DERL1: variants seen among roughly 807,000 people sequenced by gnomAD.
The protein encoded by DERL1 is derlin-1.
In DERL1, 24 loss-of-function variants were observed where a neutral mutation model predicts 41.6. The ratio of observed to expected loss-of-function variants is 0.58; its 90% CI spans 0.42 to 0.81. DERL1 has a LOEUF of 0.81. DERL1 is among the 30% of genes least tolerant of loss of function. DERL1 has a pLI of 0.00. For synonymous variants in DERL1, 124 were observed against 112.5 expected (o/e 1.10, Z -0.65); for missense variants, 260 against 314.3 (o/e 0.83, Z 1.31).
intron 1 of DERL1, among the ~76,000 whole-genome samples, chr8:123,031,617 G>GTC (rs1812818666): frequency 6.6e-6 from 1 of 152,044 alleles, no homozygotes; most frequent in African/African-American, 2.4e-5. Flanking sequence ...CCAACCTCCA[G>GTC]TCTCCCAGTT....
At chr8:123,028,838 G>A (rs2130480131) in intron 2 of DERL1, among the ~76,000 whole-genome samples, 1 of 152,174 alleles carries the variant, frequency 6.6e-6, no homozygotes, top group Middle Eastern at 3.4e-3. Flanking sequence ...AGGTCAAGGT[G>A]GGCAAATCTC....
chr8:123,023,750 A>G lies in DERL1; in HGVS notation c.331-11T>C. 1 of 1,611,164 alleles carries G rather than the reference A, an allele frequency of 6.2e-7. No homozygotes were observed. Among genetic ancestry groups the G allele is most frequent in the Non-Finnish European group, 8.5e-7 (1 of 1,178,698 alleles). On this transcript the variant is annotated splice_polypyrimidine_tract_variant and intron_variant, in intron 3 of 7. Coordinates refer to ENST00000259512, the MANE Select transcript of DERL1 (RefSeq NM_024295.6). ...TGCTAAGCCAGTAATCTTGGTTTGT[A>G]AAGTTAAAGATCAGACATAAAAAAG...
chr8:123,040,317 C>T (rs183326162), intron 1 of DERL1, among the ~76,000 whole-genome samples: 1 of 152,304 alleles, frequency 6.6e-6, no homozygotes, highest in African/African-American at 2.4e-5. Context: ...AAGGCCTTGT[C>T]AACAAGACGG....
chr8:123,037,216 A>C (rs1020447113), intron 1 of DERL1, among the ~76,000 whole-genome samples: 1 of 152,192 alleles, frequency 6.6e-6, no homozygotes, highest in Non-Finnish European at 1.5e-5. Flanking sequence ...CAGGCTACTT[A>C]TTGGGTATTA....
At chr8:123,019,161 A>G (rs772901228) in intron 7 of DERL1, 34 bp downstream of exon 7, 1 of 1,430,258 alleles carries the variant, frequency 7.0e-7, no homozygotes, top group Admixed American at 1.7e-5. Context: ...CACAGGCAGT[A>G]AAATGTTAGA....
chr8:123,015,352 A>G lies in DERL1; in HGVS notation c.*95T>C. 6.9e-7 allele frequency: 1 copy of G among 1,447,942 alleles called. No homozygotes were observed. Among genetic ancestry groups the G allele is most frequent in the African/African-American group, 1.4e-5 (1 of 71,148 alleles). 89.7% of individuals were successfully genotyped at this position (1,447,942 alleles called of 1,614,324 possible). ...TGAAAGACTACATTCAGTGTGGGTC[A>G]GGTCCAACAGTGTTAGCCAGAACGC... On this transcript the variant is annotated 3_prime_UTR_variant, in exon 8 of 8. Transcript: ENST00000259512.
chr8:123,021,916 T>C (rs1226109351), intron 5 of DERL1, among the ~76,000 whole-genome samples: 1 of 152,212 alleles, frequency 6.6e-6, no homozygotes, highest in African/African-American at 2.4e-5. Flanking sequence ...TTCTTTTACA[T>C]ATCTTGCAAA....
chr8:123,013,376 T>TA lies in DERL1; in HGVS notation c.*2070dup, dbSNP rs1411270812. On this transcript the variant is annotated 3_prime_UTR_variant, in exon 8 of 8. Transcript: ENST00000259512. ...GTTGCACATTTTAATTTACAATTTT[T>TA]ACCAATAAAAAGGATTAGTTTACAA... The TA allele has an allele frequency of 6.6e-6, 1 of 152,184 alleles. No homozygotes were observed. Among genetic ancestry groups the TA allele is most frequent in the Non-Finnish European group, 1.5e-5 (1 of 68,040 alleles). 9.4% of individuals were successfully genotyped at this position (152,184 alleles called of 1,614,324 possible).
chr8:123,020,796 CAAAAAAAAA>C, intron 6 of DERL1, among the ~76,000 whole-genome samples: 1 of 112,360 alleles, frequency 8.9e-6, no homozygotes, highest in Non-Finnish European at 1.7e-5. Context: ...CTAAAAATCC[CAAAAAAAAA>C]AAAAAAAAAA....
intron 2 of DERL1, among the ~76,000 whole-genome samples, chr8:123,027,102 C>A (rs1340541935): frequency 1.3e-5 from 2 of 151,824 alleles, no homozygotes; most frequent in African/African-American, 4.8e-5. Context: ...TTGAGACCAG[C>A]CTGACCAACA....
At position 123,019,172 on chromosome 8, in the gene DERL1, T is replaced by C. The variant is rs372216708; in HGVS notation, c.617+23A>G. 3 of 1,494,526 alleles carry C rather than the reference T, an allele frequency of 2.0e-6. No homozygotes were observed. In the African/African-American group the frequency reaches 4.1e-5, roughly 21 times the overall value. The allele number at this position is 1,494,526 out of a possible 1,614,324, so 92.6% of individuals were successfully genotyped here. ...AGAACACAGGCAGTAAAATGTTAGA[T>C]GAGACAGGACAAAAACACTTACAAA... On this transcript the variant is annotated intron_variant, in intron 7 of 7. Transcript: ENST00000259512.
intron 6 of DERL1, among the ~76,000 whole-genome samples, chr8:123,019,613 G>A (rs1270344616): frequency 6.6e-6 from 1 of 152,184 alleles, no homozygotes; most frequent in Non-Finnish European, 1.5e-5. Context: ...AGTTGGGGAA[G>A]TTGCAAAGCA....
At chr8:123,022,559 G>C (rs1271677447) in intron 5 of DERL1, 125 bp downstream of exon 5, 1 of 833,020 alleles carries the variant, frequency 1.2e-6, no homozygotes. Context: ...GGCAGAAAGG[G>C]GCTTGCCTAT....
At chr8:123,036,842 A>C (rs988308384) in intron 1 of DERL1, among the ~76,000 whole-genome samples, 2 of 152,184 alleles carry the variant, frequency 1.3e-5, no homozygotes, top group Non-Finnish European at 1.5e-5. Context: ...ATACACCCTT[A>C]AATCAGTCTC....
chr8:123,035,213 T>C (rs1346383724), intron 1 of DERL1, among the ~76,000 whole-genome samples: 1 of 152,240 alleles, frequency 6.6e-6, no homozygotes, highest in African/African-American at 2.4e-5. Flanking sequence ...AATATCTCAC[T>C]TCTTTTCCCT....
chr8:123,018,327 C>T lies in DERL1; in HGVS notation c.617+868G>A, dbSNP rs143393116. On this transcript the variant is annotated intron_variant, in intron 7 of 7. Transcript: ENST00000259512. The stretch of plus-strand genomic sequence containing the variant: ...TTTTGCCTCACTGACAGAACGGTCA[C>T]ACGACTATTACATGCTTCTGGGTGT... 3.9e-5 allele frequency: 6 copies of T among 152,306 alleles called. No homozygotes were observed. The East Asian group carries it at 1.2e-3, about 29-fold the overall frequency. 9.4% of individuals were successfully genotyped at this position (152,306 alleles called of 1,614,324 possible).
rs764928658 is a variant in DERL1, at chr8:123,023,742, T to A, written c.331-3A>T. ...ATATCCATTGCTAAGCCAGTAATCTTGGTTTGTAAAGTTAAAGATCAGACA... is the reference window on the plus strand; with the variant it reads ...ATATCCATTGCTAAGCCAGTAATCTAGGTTTGTAAAGTTAAAGATCAGACA... On this transcript the variant is annotated splice_polypyrimidine_tract_variant and splice_region_variant and intron_variant, in intron 3 of 7. Coordinates refer to ENST00000259512, the MANE Select transcript of DERL1 (RefSeq NM_024295.6). 6.2e-7 allele frequency: 1 copy of A among 1,611,168 alleles called. No homozygotes were observed. Among genetic ancestry groups the A allele is most frequent in the Non-Finnish European group, 8.5e-7 (1 of 1,178,742 alleles).
At chr8:123,030,564 T>A (rs1217302686) in intron 2 of DERL1, 41 bp downstream of exon 2, 11 of 1,397,536 alleles carry the variant, frequency 7.9e-6, no homozygotes, top group Non-Finnish European at 1.1e-5. Context: ...GATTAGTAAA[T>A]GAGAAAGAAA....
intron 2 of DERL1, among the ~76,000 whole-genome samples, chr8:123,028,843 A>G (rs10092216): frequency 0.84 from 127,527 of 152,104 alleles, 53,637 homozygotes; most frequent in Middle Eastern, 0.88. Context: ...AAGGTGGGCA[A>G]ATCTCTTGAG....
Sources: gnomAD v4.1 joint callset for allele counts (sites outside exome capture counted in the v4.1 genomes callset) on GRCh38, gnomAD v4.1.1 for gene constraint, MANE v1.5 for transcripts, NCBI Gene and HGNC (gene_info 2026-07-23, HGNC 2026-07-21) for gene names.